The following KLHL1 variants were observed in gnomAD, a reference collection of about 807,000 sequenced individuals.
KLHL1 encodes the protein kelch like family member 1.
A neutral mutation model predicts 77.7 loss-of-function variants in KLHL1; 47 were observed. The observed-to-expected ratio is 0.60, with a 90% CI of 0.48 to 0.77. The LOEUF is 0.77. Ranked by LOEUF, KLHL1 falls within the 30% of genes least tolerant of loss-of-function variation. The pLI, the probability that KLHL1 is intolerant of heterozygous loss-of-function variation, is 0.00. For synonymous variants in KLHL1, 360 were observed against 325.2 expected, an observed-to-expected ratio of 1.11 and a Z score of -1.15; for missense variants, 925 against 910.8, an observed-to-expected ratio of 1.02 and a Z score of -0.20.
chr13:70,031,628 T>A (rs1403726571), intron 1 of KLHL1, among the ~76,000 whole-genome samples: 4 of 152,238 alleles, frequency 2.6e-5, no homozygotes, highest in East Asian at 3.9e-4. Flanking sequence ...TAAATCTGTG[T>A]TGAGGTAACA....
chr13:69,717,322 A>G (rs1475480770), intron 9 of KLHL1, among the ~76,000 whole-genome samples: 1 of 152,144 alleles, frequency 6.6e-6, no homozygotes, highest in Non-Finnish European at 1.5e-5. Context: ...ACAGTTGCAT[A>G]TCTTGATTTA....
chr13:69,859,035 G>T (rs922110061), intron 5 of KLHL1, among the ~76,000 whole-genome samples: 3 of 151,640 alleles, frequency 2.0e-5, no homozygotes, highest in African/African-American at 7.3e-5. Context: ...AACCCTAAAG[G>T]CCCTCTTACT....
In KLHL1 at chr13:69,819,277, T is replaced by TTATGTTATG. The variant is rs1315777796; in HGVS notation, c.1414+19698_1414+19699insCATAACATA. ...ATACAAAGAGACAAATATCAGGGGT[T>TTATGTTATG]TAATCCTTAAAGTTATGTAATTTAC... On this transcript the variant is annotated intron_variant, in intron 6 of 10. Coordinates refer to ENST00000377844, the MANE Select transcript of KLHL1 (RefSeq NM_020866.3). 9.8e-5 allele frequency among the ~76,000 whole-genome samples: 15 copies of TTATGTTATG among 152,290 alleles called. No homozygotes were observed. The South Asian group carries it at 3.1e-3, about 32-fold the overall frequency.
At chr13:69,782,963 C>T (rs1214840479) in intron 7 of KLHL1, among the ~76,000 whole-genome samples, 1 of 152,210 alleles carries the variant, frequency 6.6e-6, no homozygotes, top group Non-Finnish European at 1.5e-5. Context: ...TGAGACAAAA[C>T]TTCCAGAGGA....
intron 4 of KLHL1, among the ~76,000 whole-genome samples, chr13:69,937,840 G>T (rs1469810005): frequency 6.6e-6 from 1 of 152,060 alleles, no homozygotes; most frequent in African/African-American, 2.4e-5. Context: ...TTAAAGTCTG[G>T]GTAGACCAGA....
chr13:70,083,265 G>A (rs1449698934), intron 1 of KLHL1, among the ~76,000 whole-genome samples: 2 of 152,188 alleles, frequency 1.3e-5, no homozygotes, highest in African/African-American at 2.4e-5. Flanking sequence ...TAATAATGAT[G>A]TAGGAGTAAA....
At chr13:69,782,703 C>T (rs1193099062) in intron 7 of KLHL1, among the ~76,000 whole-genome samples, 1 of 152,206 alleles carries the variant, frequency 6.6e-6, no homozygotes, top group Non-Finnish European at 1.5e-5. Flanking sequence ...TCAAGGAGGC[C>T]TGCCTGCCTC....
chr13:70,095,829 A>AC (rs34395344), intron 1 of KLHL1, among the ~76,000 whole-genome samples: 3,673 of 148,496 alleles, frequency 0.025, 104 homozygotes, highest in East Asian at 0.13. Context: ...TTCTCCCTCC[A>AC]CCCCCCCCAC....
chr13:70,082,150 C>G (rs1031036791), intron 1 of KLHL1, among the ~76,000 whole-genome samples: 6 of 152,102 alleles, frequency 3.9e-5, no homozygotes, highest in Non-Finnish European at 7.3e-5. Flanking sequence ...CTCCTGAGAG[C>G]TCCCTGGCCA....
chr13:69,953,786 A>C (rs1306091762), intron 3 of KLHL1, among the ~76,000 whole-genome samples: 1 of 151,234 alleles, frequency 6.6e-6, no homozygotes, highest in East Asian at 1.9e-4. Flanking sequence ...TTAATAAATG[A>C]TTGATAAGCA....
chr13:69,840,809 G>A (rs1406659656), intron 5 of KLHL1, among the ~76,000 whole-genome samples: 6 of 150,732 alleles, frequency 4.0e-5, no homozygotes, highest in African/African-American at 1.2e-4. Flanking sequence ...ATTCACCAAA[G>A]GGACTATTTC....
intron 4 of KLHL1, among the ~76,000 whole-genome samples, chr13:69,924,103 G>T (rs1299722413): frequency 3.9e-5 from 6 of 152,334 alleles, no homozygotes; most frequent in African/African-American, 1.4e-4. Flanking sequence ...TCTGGACCTT[G>T]GGCACCGATA....
intron 4 of KLHL1, among the ~76,000 whole-genome samples, chr13:69,923,585 G>A (rs2138268262): frequency 6.6e-6 from 1 of 152,226 alleles, no homozygotes; most frequent in South Asian, 2.1e-4. Context: ...TGTTATCTTT[G>A]AGGTGATTTT....
intron 4 of KLHL1, among the ~76,000 whole-genome samples, chr13:69,925,601 C>T (rs1393106849): frequency 6.6e-6 from 1 of 152,012 alleles, no homozygotes; most frequent in Admixed American, 6.6e-5. Context: ...TATGATTCAC[C>T]ATATCTATCT....
intron 5 of KLHL1, among the ~76,000 whole-genome samples, chr13:69,855,349 C>T (rs77654564): frequency 0.1 from 8,812 of 87,616 alleles, 389 homozygotes; most frequent in African/African-American, 0.19. Flanking sequence ...GATAGATAGA[C>T]AGACAGATAG....
intron 1 of KLHL1, among the ~76,000 whole-genome samples, chr13:70,052,328 G>C (rs1886648521): frequency 6.6e-6 from 1 of 151,280 alleles, no homozygotes; most frequent in South Asian, 2.1e-4. Context: ...TATGTAAACT[G>C]ATGAGAAAGA....
intron 8 of KLHL1, among the ~76,000 whole-genome samples, chr13:69,721,596 G>T (rs929304185): frequency 6.6e-6 from 1 of 152,004 alleles, no homozygotes; most frequent in African/African-American, 2.4e-5. Flanking sequence ...TAGGAAGACA[G>T]TATTACTTAG....
intron 1 of KLHL1, among the ~76,000 whole-genome samples, chr13:70,014,473 A>G (rs1885609165): frequency 6.6e-6 from 1 of 152,126 alleles, no homozygotes; most frequent in African/African-American, 2.4e-5. Context: ...CATTTATCAG[A>G]TGATCAAAAG....
chr13:69,816,355 G>A (rs1340238813), intron 6 of KLHL1, among the ~76,000 whole-genome samples: 1 of 151,074 alleles, frequency 6.6e-6, no homozygotes, highest in Non-Finnish European at 1.5e-5. Flanking sequence ...CTGCCTCCCA[G>A]GCTCAAGTGA....
Sources: allele counts gnomAD v4.1 joint callset (sites outside exome capture counted in the v4.1 genomes callset), GRCh38; gene constraint gnomAD v4.1.1; transcripts MANE v1.5; gene names NCBI Gene and HGNC (gene_info 2026-07-23, HGNC 2026-07-21).